UPP2: variants seen among roughly 807,000 people sequenced by gnomAD.
UPP2 encodes uridine phosphorylase 2, also known as UPase 2.
In UPP2, 23 loss-of-function variants were observed where a neutral mutation model predicts 26.7. The observed-to-expected ratio is 0.86, with a 90% CI of 0.62 to 1.22. The LOEUF (loss-of-function observed/expected upper bound fraction) is 1.22, where lower values mean the gene tolerates loss of function less well. Ranked by LOEUF, UPP2 falls within the 50% of genes most tolerant of loss-of-function variation. The pLI is 0.00. For missense variants in UPP2, 387 were observed against 396.7 expected (o/e 0.98, Z 0.21); for synonymous variants, 127 against 141.3 (o/e 0.90, Z 0.72).
chr2:158,120,514 C>T (rs747597220), intron 4 of UPP2, among the ~76,000 whole-genome samples: 1 of 151,920 alleles, frequency 6.6e-6, no homozygotes, highest in African/African-American at 2.4e-5. Context: ...AGACATAGTT[C>T]TTGACTTTAT....
intron 3 of UPP2, among the ~76,000 whole-genome samples, chr2:158,029,431 T>G (rs547011135): frequency 2.6e-5 from 4 of 152,254 alleles, no homozygotes; most frequent in Non-Finnish European, 5.9e-5. Flanking sequence ...GCACCATGCC[T>G]TCAAGTTCCA....
At chr2:158,122,824 T>C (rs1029016037) in intron 5 of UPP2, among the ~76,000 whole-genome samples, 1 of 152,182 alleles carries the variant, frequency 6.6e-6, no homozygotes, top group African/African-American at 2.4e-5. Flanking sequence ...GCATCGACAT[T>C]ACCTGCTTGG....
rs114752079 is a variant in UPP2, at chr2:158,040,622, C to T, written c.147+24736C>T. ...ACTCATGACTGAAGTGCTCATTTAA[C>T]TCAATCTAAAATGAATTAAACATAC... On this transcript the variant is annotated intron_variant, in intron 3 of 9. Transcript: ENST00000605860. Among the ~76,000 whole-genome samples the T allele has an allele frequency of 3.4e-3, 514 of 152,298 alleles. 2 individuals carry two copies. The highest frequency in any genetic ancestry group is 0.012 in the African/African-American group (492 of 41,542).
rs144149013 is a variant in UPP2, at chr2:158,019,028, T to C, written c.147+3142T>C. Among the ~76,000 whole-genome samples the C allele has an allele frequency of 6.0e-4, 92 of 152,216 alleles. No homozygotes were observed. In the East Asian group the frequency reaches 0.017, roughly 28 times the overall value. On this transcript the variant is annotated intron_variant, in intron 3 of 9. Coordinates refer to the UPP2 transcript ENST00000605860. ...CCACAAACCCAAGTCTTATCCACCA[T>C]AAGGAAAGGGTATACATACTCTAGC...
intron 3 of UPP2, among the ~76,000 whole-genome samples, chr2:158,066,226 T>G (rs1682432307): frequency 6.6e-6 from 1 of 152,210 alleles, no homozygotes; most frequent in Non-Finnish European, 1.5e-5. Flanking sequence ...TAGACAGATT[T>G]GGCAACCTCT....
At chr2:158,022,581 A>G (rs1199663798) in intron 3 of UPP2, among the ~76,000 whole-genome samples, 2 of 152,110 alleles carry the variant, frequency 1.3e-5, no homozygotes, top group Non-Finnish European at 2.9e-5. Context: ...CTAAATTGAC[A>G]CCACACAATA....
At chr2:158,072,449 T>A (rs1423830454) in intron 3 of UPP2, among the ~76,000 whole-genome samples, 1 of 152,200 alleles carries the variant, frequency 6.6e-6, no homozygotes, top group Non-Finnish European at 1.5e-5. Flanking sequence ...TCTTCCCATC[T>A]GCAGACTGTA....
intron 3 of UPP2, among the ~76,000 whole-genome samples, chr2:158,018,517 G>C (rs1163507166): frequency 6.6e-6 from 1 of 152,148 alleles, no homozygotes; most frequent in Non-Finnish European, 1.5e-5. Flanking sequence ...CCAAGGGCAG[G>C]GTCGACCAAG....
At position 158,123,869 on chromosome 2, in the gene UPP2, C is replaced by A; in HGVS notation, c.785C>A (p.Ala262Asp). 6.2e-7 allele frequency: 1 copy of A among 1,613,978 alleles called. No homozygotes were observed. The highest frequency in any genetic ancestry group is 8.5e-7 in the Non-Finnish European group (1 of 1,179,870). ...NIEMESTVFAAMCGLCGLKAA... is the reference protein window; with the variant it reads ...NIEMESTVFADMCGLCGLKAA... Reference sequence around the variant, plus strand: ...GAAATGGAATCTACAGTGTTTGCAGCTATGTGTGGACTCTGTGGTCTAAAA... The same window carrying A: ...GAAATGGAATCTACAGTGTTTGCAGATATGTGTGGACTCTGTGGTCTAAAA... The change falls in exon 6 of 7, where the codon GCT (alanine) becomes GAT (aspartate). Residue 262 changes from alanine (A) to aspartate (D), a missense_variant. By Grantham distance (126) the Ala-to-Asp change is moderately radical. Coordinates refer to ENST00000005756, the MANE Select transcript of UPP2 (RefSeq NM_173355.4).
At chr2:158,089,846 T>C (rs1465177408) in intron 3 of UPP2, among the ~76,000 whole-genome samples, 8 of 152,128 alleles carry the variant, frequency 5.3e-5, no homozygotes, top group Non-Finnish European at 1.0e-4. Flanking sequence ...GCACTCACAG[T>C]TTTTTGGGTA....
At chr2:158,114,178 C>A (rs1683375306) in intron 2 of UPP2, among the ~76,000 whole-genome samples, 1 of 152,222 alleles carries the variant, frequency 6.6e-6, no homozygotes, top group African/African-American at 2.4e-5. Context: ...TGTCTTCTCT[C>A]TCTCTGCATT....
intron 5 of UPP2, among the ~76,000 whole-genome samples, chr2:158,122,017 G>T (rs1434335797): frequency 2.0e-5 from 3 of 151,976 alleles, no homozygotes; most frequent in Non-Finnish European, 4.4e-5. Flanking sequence ...AAAATGGGGA[G>T]AAATGCTTGG....
intron 3 of UPP2, among the ~76,000 whole-genome samples, chr2:158,057,593 T>C (rs1056721648): frequency 3.9e-5 from 6 of 152,152 alleles, no homozygotes; most frequent in Admixed American, 1.3e-4. Flanking sequence ...ATTAATATCC[T>C]ATATTACACT....
chr2:158,015,444 C>T (rs1396733605), intron 2 of UPP2, among the ~76,000 whole-genome samples: 1 of 152,146 alleles, frequency 6.6e-6, no homozygotes, highest in African/African-American at 2.4e-5. Flanking sequence ...GAATAATAAT[C>T]CACTGTATGT....
intron 3 of UPP2, among the ~76,000 whole-genome samples, chr2:158,079,578 T>C (rs1682688052): frequency 6.6e-6 from 1 of 152,066 alleles, no homozygotes; most frequent in African/African-American, 2.4e-5. Flanking sequence ...TTTAGAAAAA[T>C]TAAAAGGCGA....
upstream of UPP2, among the ~76,000 whole-genome samples, chr2:158,097,833 G>A (rs1406333175): frequency 6.6e-6 from 1 of 152,094 alleles, no homozygotes; most frequent in Non-Finnish European, 1.5e-5. Context: ...TTTGTCCTAG[G>A]GATATCATTC....
chr2:158,115,136 A>G lies in UPP2; in HGVS notation c.216A>G (p.Lys72=). The change falls in exon 3 of 7, where the codon AAA becomes AAG. Residue 72 remains lysine (K), a synonymous_variant. Coordinates refer to ENST00000005756, the MANE Select transcript of UPP2 (RefSeq NM_173355.4). The part of the protein sequence containing the change: ...VCVGGSPNRM[K]AFALFMHKEL... ...TCGGTGGGAGCCCCAACAGAATGAAAGCATTTGCACTGTTTATGCACAAGG... is the reference window on the plus strand; with the variant it reads ...TCGGTGGGAGCCCCAACAGAATGAAGGCATTTGCACTGTTTATGCACAAGG... The G allele has an allele frequency of 1.2e-6, 2 of 1,611,924 alleles. No individual in the cohort carries two copies. The highest frequency in any genetic ancestry group is 1.7e-6 in the Non-Finnish European group (2 of 1,179,182).
chr2:158,040,589 C>T (rs978272702), intron 3 of UPP2, among the ~76,000 whole-genome samples: 1 of 152,196 alleles, frequency 6.6e-6, no homozygotes, highest in African/African-American at 2.4e-5. Context: ...AAGAATATAG[C>T]CTGCTGTACT....
intron 6 of UPP2, among the ~76,000 whole-genome samples, chr2:158,128,218 T>C (rs6437138): frequency 0.73 from 110,333 of 152,102 alleles, 40,741 homozygotes; most frequent in African/African-American, 0.84. Flanking sequence ...GTTATTTCCT[T>C]GGACAGACAC....
Sources: gnomAD v4.1 joint callset for allele counts (sites outside exome capture counted in the v4.1 genomes callset) on GRCh38, gnomAD v4.1.1 for gene constraint, MANE v1.5 for transcripts, NCBI Gene and HGNC (gene_info 2026-07-23, HGNC 2026-07-21) for gene names.